Variants in USP32 observed in about 807,000 individuals in gnomAD.
USP32 encodes the protein ubiquitin carboxyl-terminal hydrolase 32.
USP32 carries 59 observed loss-of-function variants against 204.8 expected under a neutral mutation model. The observed-to-expected ratio is 0.29, with a 90% CI of 0.23 to 0.36. The LOEUF (loss-of-function observed/expected upper bound fraction) is 0.36, where lower values mean the gene tolerates loss of function less well. Among genes scored for constraint, USP32 ranks in the 10% least tolerant of loss-of-function variants. The probability of loss-of-function intolerance (pLI) is 1.00; values close to 1 mark genes in which losing one functional copy is unlikely to be tolerated. For missense variants in USP32, 1,160 were observed against 1,946.4 expected, an observed-to-expected ratio of 0.60 and a Z score of 7.60; for synonymous variants, 517 against 678.4, an observed-to-expected ratio of 0.76 and a Z score of 3.70.
chr17:60,228,504 T>TC (rs1174103594), intron 12 of USP32, among the ~76,000 whole-genome samples: 133 of 148,224 alleles, frequency 9.0e-4, no homozygotes, highest in African/African-American at 2.9e-3. Flanking sequence ...TCTTTTTCTT[T>TC]TTTTTTTTTT....
intron 2 of USP32, among the ~76,000 whole-genome samples, chr17:60,332,532 C>G (rs2088415218): frequency 6.6e-6 from 1 of 151,902 alleles, no homozygotes; most frequent in Non-Finnish European, 1.5e-5. Context: ...CCTGTGATCC[C>G]AGCTACTCGG....
In USP32 at chr17:60,252,405, G is replaced by T. The variant is rs576246445; in HGVS notation, c.1112C>A (p.Pro371Gln). Residue 371 changes from proline (P) to glutamine (Q), a missense_variant, in exon 11 of 34, where the codon CCG becomes CAG. Transcript: ENST00000300896. ...HIVLGLRPAT[P>Q]EEEGQIIRGW... ...CCTAATAATTTGTCCTTCTTCTTCC[G>T]GAGTAGCTGGTCTTAACCCCAGAAC... The T allele has an allele frequency of 1.9e-6, 3 of 1,608,364 alleles. No homozygotes were observed. The highest frequency in any genetic ancestry group is 1.7e-5 in the Admixed American group (1 of 59,154).
chr17:60,339,199 C>T (rs189130968), intron 2 of USP32, among the ~76,000 whole-genome samples: 1 of 152,178 alleles, frequency 6.6e-6, no homozygotes, highest in African/African-American at 2.4e-5. Flanking sequence ...GCATGAGCCA[C>T]CGCGCCCAGC....
At chr17:60,372,070 G>A (rs2089452374) in intron 1 of USP32, among the ~76,000 whole-genome samples, 1 of 152,196 alleles carries the variant, frequency 6.6e-6, no homozygotes, top group Admixed American at 6.5e-5. Flanking sequence ...GGAAGGGGAA[G>A]TGGCTAAGGT....
intron 1 of USP32, among the ~76,000 whole-genome samples, chr17:60,416,866 T>G (rs1368078990): frequency 6.6e-6 from 1 of 151,904 alleles, no homozygotes; most frequent in Non-Finnish European, 1.5e-5. Flanking sequence ...TACACACACA[T>G]GCACACACAC....
chr17:60,231,569 G>A (rs774370772), intron 12 of USP32: 6 of 518,116 alleles, frequency 1.2e-5, no homozygotes, highest in African/African-American at 1.9e-5. Context: ...TCCTGACGAC[G>A]ATCCTCGAGG....
chr17:60,364,490 G>A (rs568221203), intron 1 of USP32, among the ~76,000 whole-genome samples: 11 of 152,144 alleles, frequency 7.2e-5, no homozygotes, highest in African/African-American at 2.2e-4. Context: ...AGTAACTTTC[G>A]TGCCTCAGCC....
rs1179087220 is a variant in USP32 at position 60,252,394 on chromosome 17, C to T, written c.1123G>A (p.Gly375Arg). 5.0e-6 allele frequency: 8 copies of T among 1,607,808 alleles called. No homozygotes were observed. The highest frequency in any genetic ancestry group is 6.8e-6 in the Non-Finnish European group (8 of 1,177,320). ...GLRPATPEEE[G>R]QIIRGWLERE... Reference sequence around the variant, plus strand: ...CTACAAATTTACCTAATAATTTGTCCTTCTTCTTCCGGAGTAGCTGGTCTT... The same window carrying T: ...CTACAAATTTACCTAATAATTTGTCTTTCTTCTTCCGGAGTAGCTGGTCTT... The change falls in exon 11 of 34, where the codon GGA becomes AGA. Residue 375 changes from glycine (G) to arginine (R), a missense_variant. Gly to Arg is a moderately radical substitution (Grantham distance 125). Around this residue, in one of 8 missense-constraint regions of USP32, gnomAD observed 536 missense variants for 680.9 expected, o/e 0.79. Coordinates refer to ENST00000300896, the MANE Select transcript of USP32 (RefSeq NM_032582.4).
chr17:60,330,469 TTTC>T (rs1257288490), intron 2 of USP32, among the ~76,000 whole-genome samples: 1 of 151,912 alleles, frequency 6.6e-6, no homozygotes, highest in African/African-American at 2.4e-5. Context: ...TCCTTCCTTC[TTTC>T]TTTTCTTTTC....
chr17:60,231,505 C>T (rs759064994), intron 12 of USP32: 5 of 486,700 alleles, frequency 1.0e-5, no homozygotes, highest in Admixed American at 8.3e-5. Context: ...TTTTATTTCC[C>T]ACTCAACTAC....
At chr17:60,399,997 C>T (rs983763305) in intron 1 of USP32, among the ~76,000 whole-genome samples, 3 of 151,996 alleles carry the variant, frequency 2.0e-5, no homozygotes, top group Non-Finnish European at 2.9e-5. Flanking sequence ...TGGAGTCTTG[C>T]TCTGTTGTTG....
At chr17:60,372,040 G>A (rs1269561314) in intron 1 of USP32, among the ~76,000 whole-genome samples, 1 of 152,178 alleles carries the variant, frequency 6.6e-6, no homozygotes, top group Non-Finnish European at 1.5e-5. Flanking sequence ...ATTGCGGTAG[G>A]ATTAAGTAAC....
chr17:60,346,285 T>C (rs1368067657), intron 1 of USP32, among the ~76,000 whole-genome samples: 1 of 152,098 alleles, frequency 6.6e-6, no homozygotes, highest in East Asian at 1.9e-4. Context: ...AAAACTTTAA[T>C]ATAGGCATAC....
intron 3 of USP32, among the ~76,000 whole-genome samples, chr17:60,297,650 A>G (rs886077274): frequency 2.6e-5 from 4 of 152,166 alleles, no homozygotes; most frequent in Non-Finnish European, 4.4e-5. Context: ...CATATTAGTC[A>G]GGCTGGTCTC....
chr17:60,234,910 T>G (rs183787971), intron 12 of USP32, among the ~76,000 whole-genome samples: 1 of 152,146 alleles, frequency 6.6e-6, no homozygotes, highest in South Asian at 2.1e-4. Flanking sequence ...GACAGACGCA[T>G]GCTAGAAAAT....
At chr17:60,273,173 G>A (rs2086762889) in intron 5 of USP32, among the ~76,000 whole-genome samples, 3 of 151,990 alleles carry the variant, frequency 2.0e-5, no homozygotes, top group Admixed American at 6.6e-5. Flanking sequence ...GAGTTTCGCC[G>A]TATCACCCAG....
rs200175189 is a variant in USP32, at chr17:60,358,564, ACT to A, written c.59-12958_59-12957del. On this transcript the variant is annotated intron_variant, in intron 1 of 33. Coordinates refer to ENST00000300896, the MANE Select transcript of USP32 (RefSeq NM_032582.4). ...ACTACAGCCTGGGTAACAGAGGGAG[ACT>A]CTGTCTCAAAAAAACATAATAAAAA... Among the ~76,000 whole-genome samples, 731 of 152,126 alleles carry A rather than the reference ACT, an allele frequency of 4.8e-3. 12 individuals are homozygous for A. The highest frequency in any genetic ancestry group is 0.045 in the East Asian group (234 of 5,174).
chr17:60,327,981 T>G (rs1238604879), intron 2 of USP32, among the ~76,000 whole-genome samples: 1 of 152,230 alleles, frequency 6.6e-6, no homozygotes, highest in African/African-American at 2.4e-5. Context: ...GGTGCTGGCC[T>G]GCAGGTGCCC....
intron 5 of USP32, among the ~76,000 whole-genome samples, chr17:60,277,905 TTAA>T (rs1004370204): frequency 1.0e-4 from 15 of 150,436 alleles, no homozygotes; most frequent in Admixed American, 3.3e-4. Flanking sequence ...AAAAAATAAC[TTAA>T]TAATAGTTCC....
Sources: gnomAD v4.1 joint callset for allele counts (sites outside exome capture counted in the v4.1 genomes callset) on GRCh38, gnomAD v4.1.1 for gene constraint, gnomAD v4.1.1 regional missense constraint, MANE v1.5 for transcripts, NCBI Gene and HGNC (gene_info 2026-07-23, HGNC 2026-07-21) for gene names.